ZNF212: variants seen among roughly 807,000 people sequenced by gnomAD.
ZNF212 encodes zinc finger protein 212.
Under a neutral mutation model 47.3 loss-of-function variants are expected in ZNF212, and 32 were observed. That is an observed-to-expected ratio of 0.68 (90% CI 0.51 to 0.91). ZNF212 has a LOEUF of 0.91. Among genes scored for constraint, ZNF212 ranks in the 40% least tolerant of loss-of-function variants. ZNF212 has a pLI of 0.00. For synonymous variants in ZNF212, 242 were observed against 253.8 expected (o/e 0.95, Z 0.44); for missense variants, 555 against 622.8 (o/e 0.89, Z 1.16).
intron 1 of ZNF212, among the ~76,000 whole-genome samples, chr7:149,241,978 AGTTTC>A (rs1319911663): frequency 6.7e-6 from 1 of 149,480 alleles, no homozygotes; most frequent in Non-Finnish European, 1.5e-5. Context: ...GCCTGGCCAT[AGTTTC>A]GTTTCTTTTC....
intron 1 of ZNF212, among the ~76,000 whole-genome samples, chr7:149,246,545 G>A (rs1019902977): frequency 6.6e-6 from 1 of 152,096 alleles, no homozygotes; most frequent in Admixed American, 6.5e-5. Flanking sequence ...ACCACACCTG[G>A]CTAATTTTGT....
chr7:149,241,138 A>G (rs1224286167), intron 1 of ZNF212, among the ~76,000 whole-genome samples: 6 of 152,134 alleles, frequency 3.9e-5, no homozygotes, highest in African/African-American at 1.4e-4. Context: ...AAGAAGCCTT[A>G]AAGGTCCACC....
chr7:149,244,605 A>G (rs373939363), intron 1 of ZNF212, among the ~76,000 whole-genome samples: 185 of 152,304 alleles, frequency 1.2e-3, no homozygotes, highest in Admixed American at 2.8e-3. Flanking sequence ...GAGCCACTGC[A>G]CCTGGCCAGA....
In ZNF212 at chr7:149,253,656, C is replaced by T; in HGVS notation, c.729C>T (p.Phe243=). ...CATGCATTGCTGAAGAGCAGGCTTTCCTGAGCCCAGAGCAGACCGAACTCT... is the reference window on the plus strand; with the variant it reads ...CATGCATTGCTGAAGAGCAGGCTTTTCTGAGCCCAGAGCAGACCGAACTCT... ...EFSCIAEEQA[F]LSPEQTELWG... The change falls in exon 5 of 5, where the codon TTC becomes TTT. Residue 243 remains phenylalanine (F), a synonymous_variant. Transcript: ENST00000335870. 6.2e-7 allele frequency: 1 copy of T among 1,614,212 alleles called. No individual in the cohort carries two copies. Among genetic ancestry groups the T allele is most frequent in the South Asian group, 1.1e-5 (1 of 91,090 alleles).
Position 149,252,769 on chromosome 7 carries a change from A to G in ZNF212, c.605A>G (p.Glu202Gly). The stretch of plus-strand genomic sequence containing the variant: ...ACAGAGATGCTGGGTGACTTGGAAG[A>G]GGAAGGTCCTGGTGGTGCCCACCCA... ...LGTEMLGDLE[E>G]EGPGGAHPAG... The change falls in exon 4 of 5, where the codon GAG (glutamate) becomes GGG (glycine). Residue 202 changes from glutamate to glycine, a missense_variant. Transcript: ENST00000335870. 6.2e-7 allele frequency: 1 copy of G among 1,614,076 alleles called. No individual in the cohort carries two copies. The highest frequency in any genetic ancestry group is 8.5e-7 in the Non-Finnish European group (1 of 1,180,012).
chr7:149,251,152 C>T, intron 3 of ZNF212: 1 of 254,872 alleles, frequency 3.9e-6, no homozygotes, highest in Non-Finnish European at 7.4e-6. Flanking sequence ...GGCTAGGGTT[C>T]CTCATGTTGT....
intron 4 of ZNF212, 98 bp from the exon 5 acceptor site, chr7:149,253,461 C>G: frequency 3.5e-6 from 5 of 1,447,516 alleles, no homozygotes; most frequent in Non-Finnish European, 3.7e-6. Flanking sequence ...TCACTTATTC[C>G]TGGGGTGCTT....
chr7:149,245,783 C>T (rs1796667843), intron 1 of ZNF212, among the ~76,000 whole-genome samples: 1 of 152,160 alleles, frequency 6.6e-6, no homozygotes. Flanking sequence ...GCTGGGATTA[C>T]AGACTCGAGC....
At position 149,254,349 on chromosome 7, in the gene ZNF212, G is replaced by A; in HGVS notation, c.1422G>A (p.Gln474=). 1.9e-6 allele frequency: 3 copies of A among 1,611,890 alleles called. No homozygotes were observed. Among genetic ancestry groups the A allele is most frequent in the Non-Finnish European group, 2.5e-6 (3 of 1,180,026 alleles). ...AGAAGCAGCACCTCCTGCAGCACCAGAAGATCCACCAGCGGGAGCGGGGTG... is the reference window on the plus strand; with the variant it reads ...AGAAGCAGCACCTCCTGCAGCACCAAAAGATCCACCAGCGGGAGCGGGGTG... The part of the protein sequence containing the change: ...FVQKQHLLQH[Q]KIHQRERGGL... The change falls in exon 5 of 5, where the codon CAG becomes CAA. Residue 474 remains glutamine (Q), a synonymous_variant. Coordinates refer to ENST00000335870, the MANE Select transcript of ZNF212 (RefSeq NM_012256.4). This position sits in a 1 kb window ranked among gnomAD's most constrained non-coding sequence, Gnocchi z 4.5.
chr7:149,242,707 A>G (rs748991693), intron 1 of ZNF212, among the ~76,000 whole-genome samples: 10 of 152,238 alleles, frequency 6.6e-5, no homozygotes, highest in South Asian at 6.2e-4. Flanking sequence ...TAGTGACTTA[A>G]TAAAACGTAA....
intron 4 of ZNF212, 100 bp downstream of exon 4, chr7:149,252,895 C>T: frequency 8.8e-7 from 1 of 1,131,774 alleles, no homozygotes; most frequent in Non-Finnish European, 1.3e-6. Flanking sequence ...TTGGTGACCT[C>T]ATCTGGCATC....
chr7:149,242,437 A>G (rs969196530), intron 1 of ZNF212, among the ~76,000 whole-genome samples: 1 of 152,254 alleles, frequency 6.6e-6, no homozygotes, highest in Non-Finnish European at 1.5e-5. Flanking sequence ...AAGCTAGGCA[A>G]AAGTAGAATG....
Position 149,253,721 on chromosome 7 carries a change from C to T in ZNF212, c.794C>T (p.Pro265Leu). The change falls in exon 5 of 5, where the codon CCT becomes CTT. Residue 265 changes from proline (P) to leucine (L), a missense_variant. Transcript: ENST00000335870. ...QGSSVLLETGPGDSTLEEPVG... is the reference protein window; with the variant it reads ...QGSSVLLETGLGDSTLEEPVG... ...AGTTCTGTCCTCTTGGAAACAGGTC[C>T]TGGGGACTCTACTCTAGAGGAGCCT... 1 of 1,614,118 alleles carries T rather than the reference C, an allele frequency of 6.2e-7. No homozygotes were observed. The highest frequency in any genetic ancestry group is 8.5e-7 in the Non-Finnish European group (1 of 1,179,988).
At chr7:149,252,465 C>T (rs1796773666) in intron 3 of ZNF212, among the ~76,000 whole-genome samples, 1 of 152,206 alleles carries the variant, frequency 6.6e-6, no homozygotes, top group Admixed American at 6.5e-5. Context: ...CTGTAGCCTG[C>T]CTGCCTGAGC....
chr7:149,241,130 G>A (rs1175906287), intron 1 of ZNF212, among the ~76,000 whole-genome samples: 1 of 152,102 alleles, frequency 6.6e-6, no homozygotes, highest in Non-Finnish European at 1.5e-5. Context: ...TTGTTAGGAA[G>A]AAGCCTTAAA....
chr7:149,254,516 T>C lies in ZNF212; in HGVS notation c.*101T>C. ...ACTGAGTTCTTCCTGAGGGCAGTTG[T>C]TTGTGATTGCCTTCCCTTGTCCCAG... On this transcript the variant is annotated 3_prime_UTR_variant, in exon 5 of 5. Transcript: ENST00000335870. The surrounding 1 kb of genome is among the most constrained non-coding windows in gnomAD (Gnocchi z 4.5). 1.4e-6 allele frequency: 2 copies of C among 1,443,128 alleles called. No individual in the cohort carries two copies. Among genetic ancestry groups the C allele is most frequent in the Non-Finnish European group, 1.8e-6 (2 of 1,098,026 alleles). 89.4% of individuals were successfully genotyped at this position (1,443,128 alleles called of 1,614,324 possible).
Position 149,239,677 on chromosome 7 carries a change from G to GCGGCGGCGA in ZNF212, c.-94_-93insACGGCGGCG. ...GAATGCACCTGGCATCAACACGGCG[G>GCGGCGGCGA]CGGCGGCGGCGGCTTCCAACAGGCT... On this transcript the variant is annotated 5_prime_UTR_variant, in exon 1 of 5. Transcript: ENST00000335870. 7.8e-7 allele frequency: 1 copy of GCGGCGGCGA among 1,276,112 alleles called. No homozygotes were observed. 79.0% of individuals were successfully genotyped at this position (1,276,112 alleles called of 1,614,324 possible).
chr7:149,254,643 G>C lies in ZNF212; in HGVS notation c.*228G>C, dbSNP rs1464744827. 2.5e-5 allele frequency: 15 copies of C among 598,524 alleles called. No individual in the cohort carries two copies. The highest frequency in any genetic ancestry group is 2.7e-6 in the Non-Finnish European group (1 of 370,242). 37.1% of individuals were successfully genotyped at this position (598,524 alleles called of 1,614,324 possible). Reference sequence around the variant, plus strand: ...AGTTTGCTGTTTCTTGGCACCTTCAGGTCTCTGGTTTTCTCATTCATGCCA... The same window carrying C: ...AGTTTGCTGTTTCTTGGCACCTTCACGTCTCTGGTTTTCTCATTCATGCCA... On this transcript the variant is annotated 3_prime_UTR_variant, in exon 5 of 5. Transcript: ENST00000335870. The surrounding 1 kb of genome is among the most constrained non-coding windows in gnomAD (Gnocchi z 4.5).
intron 1 of ZNF212, among the ~76,000 whole-genome samples, chr7:149,246,310 G>A (rs761844279): frequency 2.0e-5 from 3 of 152,028 alleles, no homozygotes; most frequent in Non-Finnish European, 4.4e-5. Flanking sequence ...TGACAAATGT[G>A]TAGCCAGCAT....
Sources: gnomAD v4.1 joint callset for allele counts (sites outside exome capture counted in the v4.1 genomes callset) on GRCh38, gnomAD v4.1.1 for gene constraint, Gnocchi (gnomAD v3.1) non-coding constraint, MANE v1.5 for transcripts, NCBI Gene and HGNC (gene_info 2026-07-23, HGNC 2026-07-21) for gene names.